The following TBC1D22A variants were observed in gnomAD, a reference collection of about 807,000 sequenced individuals.
TBC1D22A encodes TBC1 domain family member 22A, also known as putative GTPase activator.
Under a neutral mutation model 60.2 loss-of-function variants are expected in TBC1D22A, and 38 were observed. That is an observed-to-expected ratio of 0.63 (90% CI 0.49 to 0.83). The LOEUF (loss-of-function observed/expected upper bound fraction) is 0.83. Among genes scored for constraint, TBC1D22A ranks in the 40% least tolerant of loss-of-function variants. The pLI is 0.00. For synonymous variants in TBC1D22A, 302 were observed against 281.7 expected (o/e 1.07, Z -0.72); for missense variants, 628 against 701.0 (o/e 0.90, Z 1.18).
At chr22:46,880,747 C>T (rs1039736865) in intron 5 of TBC1D22A, among the ~76,000 whole-genome samples, 3 of 151,996 alleles carry the variant, frequency 2.0e-5, no homozygotes, top group South Asian at 4.2e-4. Flanking sequence ...GGACTTCACA[C>T]CTGGGATCTG....
rs148579123 is a variant in TBC1D22A at position 47,157,057 on chromosome 22, C to G, written c.1426-16441C>G. ...AGGGGCAGTGGCCAGGCACTGGGTG[C>G]CCCCGGTGTGCAGGTGATGCAGGAT... On this transcript the variant is annotated intron_variant, in intron 12 of 12. Coordinates refer to ENST00000337137, the MANE Select transcript of TBC1D22A (RefSeq NM_014346.5). Among the ~76,000 whole-genome samples, 25 of 152,322 alleles carry G rather than the reference C, an allele frequency of 1.6e-4. No homozygotes were observed. In the East Asian group the frequency reaches 4.8e-3, roughly 29 times the overall value.
chr22:47,161,884 C>G (rs1027884635), intron 12 of TBC1D22A, among the ~76,000 whole-genome samples: 2 of 152,234 alleles, frequency 1.3e-5, no homozygotes, highest in African/African-American at 2.4e-5. Flanking sequence ...TGAGCCAGCC[C>G]CAGAGTGAGC....
At chr22:46,775,869 C>G (rs1320704080) in intron 1 of TBC1D22A, among the ~76,000 whole-genome samples, 1 of 152,214 alleles carries the variant, frequency 6.6e-6, no homozygotes, top group African/African-American at 2.4e-5. Context: ...TACGGTGTAC[C>G]TTTAAAATGC....
At chr22:46,901,374 G>C (rs955677283) in intron 7 of TBC1D22A, among the ~76,000 whole-genome samples, 13 of 152,186 alleles carry the variant, frequency 8.5e-5, no homozygotes, top group Admixed American at 8.5e-4. Flanking sequence ...TGTGATCCTT[G>C]GTGTGAAAGT....
chr22:47,059,703 A>G (rs2063506238), intron 11 of TBC1D22A, among the ~76,000 whole-genome samples: 1 of 152,204 alleles, frequency 6.6e-6, no homozygotes, highest in African/African-American at 2.4e-5. Flanking sequence ...TTGGAATGAA[A>G]TGCAGGTGCC....
At chr22:47,121,512 T>C (rs962482555) in intron 12 of TBC1D22A, among the ~76,000 whole-genome samples, 3 of 152,210 alleles carry the variant, frequency 2.0e-5, no homozygotes, top group African/African-American at 7.2e-5. Context: ...CGAGCAAATG[T>C]TTTCATTGCG....
chr22:46,978,674 A>G (rs2074398877), intron 9 of TBC1D22A, among the ~76,000 whole-genome samples: 1 of 152,156 alleles, frequency 6.6e-6, no homozygotes, highest in Admixed American at 6.5e-5. Flanking sequence ...CAGTGGTGCG[A>G]TCTCAGTTCA....
At chr22:46,973,227 G>A (rs2074146273) in intron 8 of TBC1D22A, among the ~76,000 whole-genome samples, 1 of 152,164 alleles carries the variant, frequency 6.6e-6, no homozygotes, top group South Asian at 2.1e-4. Flanking sequence ...CCTGGGTTCT[G>A]GGACCAGTAG....
At chr22:46,799,447 A>G (rs2084802914) in intron 4 of TBC1D22A, among the ~76,000 whole-genome samples, 1 of 152,202 alleles carries the variant, frequency 6.6e-6, no homozygotes, top group Non-Finnish European at 1.5e-5. Context: ...TTCCCTCAGT[A>G]TCATCACAGC....
At chr22:46,899,818 C>G (rs2068886027) in intron 7 of TBC1D22A, among the ~76,000 whole-genome samples, 2 of 152,060 alleles carry the variant, frequency 1.3e-5, no homozygotes, top group South Asian at 4.1e-4. Flanking sequence ...TGTAACTTAG[C>G]CTGTCATCCA....
intron 11 of TBC1D22A, among the ~76,000 whole-genome samples, chr22:47,066,348 C>T (rs762783001): frequency 1.2e-4 from 18 of 149,772 alleles, no homozygotes; most frequent in Non-Finnish European, 1.8e-4. Context: ...ATGCTGGTGG[C>T]GTGTGCCGGG....
Position 47,173,826 on chromosome 22 carries a change from A to G in TBC1D22A, c.*200A>G, listed in dbSNP as rs1393963480. ...ACAGGGACAGCCTTTGTTTTCTGAG[A>G]TACCAAAGAGAGCCAGGGGAGGGCC... On this transcript the variant is annotated 3_prime_UTR_variant, in exon 13 of 13. Transcript: ENST00000337137. 1 of 879,836 alleles carries G rather than the reference A, an allele frequency of 1.1e-6. No homozygotes were observed. The highest frequency in any genetic ancestry group is 1.6e-6 in the Non-Finnish European group (1 of 607,722). The allele number at this position is 879,836 out of a possible 1,614,324, so 54.5% of individuals were successfully genotyped here.
Position 47,134,412 on chromosome 22 carries a change from G to A in TBC1D22A, c.1425+22809G>A, listed in dbSNP as rs192561566. ...GGGTGGGCCAGGGTGGAAGGAAGGC[G>A]GGTTCTGCTGGAGCAGCACTGGTTG... On this transcript the variant is annotated intron_variant, in intron 12 of 12. Transcript: ENST00000337137. Among the ~76,000 whole-genome samples, 470 of 152,338 alleles carry A rather than the reference G, an allele frequency of 3.1e-3. 2 individuals are homozygous for A. Among genetic ancestry groups the A allele is most frequent in the Admixed American group, 8.7e-3 (133 of 15,304 alleles).
At chr22:46,940,303 C>T (rs191044041) in intron 8 of TBC1D22A, among the ~76,000 whole-genome samples, 29 of 152,178 alleles carry the variant, frequency 1.9e-4, no homozygotes, top group African/African-American at 7.0e-4. Flanking sequence ...CTGTGAAGCA[C>T]AATAGAGCAA....
At chr22:47,070,895 A>C (rs1421841624) in intron 11 of TBC1D22A, among the ~76,000 whole-genome samples, 1 of 150,562 alleles carries the variant, frequency 6.6e-6, no homozygotes, top group Non-Finnish European at 1.5e-5. Context: ...TGACGGTTCC[A>C]GGCTGTTCCC....
rs2061687874 is a variant in TBC1D22A, at chr22:47,009,470, TCATCACTATCAC to T, written c.1201+11767_1201+11778del. 7.2e-6 allele frequency among the ~76,000 whole-genome samples: 1 copy of T among 139,386 alleles called. No homozygotes were observed. The highest frequency in any genetic ancestry group is 2.6e-5 in the African/African-American group (1 of 38,900). The allele number at this position is 139,386 out of a possible 152,430, so 91.4% of individuals were successfully genotyped here. On this transcript the variant is annotated intron_variant, in intron 10 of 12. Coordinates refer to ENST00000337137, the MANE Select transcript of TBC1D22A (RefSeq NM_014346.5). This position sits in a 1 kb window ranked among gnomAD's most constrained non-coding sequence, Gnocchi z 5.8. ...ACCATCATTTCTGTCATCACCATCG[TCATCACTATCAC>T]CATCATTTCATCACCATCATCACCA...
At chr22:47,076,386 C>T (rs567232212) in intron 11 of TBC1D22A, among the ~76,000 whole-genome samples, 20,097 of 102,244 alleles carry the variant, frequency 0.2, 2,118 homozygotes, top group East Asian at 0.25. Flanking sequence ...TATATACACA[C>T]ACACACACAC....
chr22:47,145,232 G>T (rs2067245683), intron 12 of TBC1D22A, among the ~76,000 whole-genome samples: 1 of 152,342 alleles, frequency 6.6e-6, no homozygotes, highest in South Asian at 2.1e-4. Flanking sequence ...GGATTGGGAA[G>T]GTGCTGGTTC....
At chr22:47,045,918 C>T (rs2063016958) in intron 11 of TBC1D22A, among the ~76,000 whole-genome samples, 1 of 152,128 alleles carries the variant, frequency 6.6e-6, no homozygotes, top group Admixed American at 6.5e-5. Context: ...GCACTGCACC[C>T]CCACAGCACC....
Sources: allele counts gnomAD v4.1 joint callset (sites outside exome capture counted in the v4.1 genomes callset), GRCh38; gene constraint gnomAD v4.1.1; non-coding constraint Gnocchi (gnomAD v3.1); transcripts MANE v1.5; gene names NCBI Gene and HGNC (gene_info 2026-07-23, HGNC 2026-07-21).